DCAF8L2: variants seen among roughly 807,000 people sequenced by gnomAD.
The protein encoded by DCAF8L2 is DDB1- and CUL4-associated factor 8-like protein 2.
For missense variants in DCAF8L2, 430 were observed against 490.7 expected (o/e 0.88, Z 1.17); for synonymous variants, 200 against 190.9 (o/e 1.05, Z -0.39).
intron 3 of DCAF8L2, among the ~76,000 whole-genome samples, chrX:27,685,032 C>T (rs1404070221): frequency 2.7e-5 from 3 of 111,394 alleles, no homozygotes; most frequent in Non-Finnish European, 3.8e-5. Context: ...TCACTGTAAC[C>T]AATCAGTTTA....
the DCAF8L2 span, among the ~76,000 whole-genome samples, chrX:27,569,881 T>C: frequency 2.7e-5 from 3 of 111,615 alleles, no homozygotes; most frequent in Non-Finnish European, 3.8e-5. Flanking sequence ...ATGTGTTATG[T>C]ATAAGAAAGT....
At chrX:27,483,669 A>G in the DCAF8L2 span, among the ~76,000 whole-genome samples, 1 of 111,295 alleles carries the variant, frequency 9.0e-6, no homozygotes, top group African/African-American at 3.3e-5. Flanking sequence ...GGCTAGCTAC[A>G]AACAATAAAG....
At chrX:27,529,370 C>G in the DCAF8L2 span, among the ~76,000 whole-genome samples, 1 of 110,715 alleles carries the variant, frequency 9.0e-6, no homozygotes, top group Non-Finnish European at 1.9e-5. Flanking sequence ...TAATATGCAT[C>G]AGTGTAATAT....
chrX:27,709,933 G>A (rs745634895), intron 3 of DCAF8L2, among the ~76,000 whole-genome samples: 3 of 106,205 alleles, frequency 2.8e-5, no homozygotes, highest in South Asian at 4.0e-4. Context: ...CTAATAAATC[G>A]TTGCAAATAA....
chrX:27,548,329 C>A, the DCAF8L2 span, among the ~76,000 whole-genome samples: 4 of 111,241 alleles, frequency 3.6e-5, no homozygotes, highest in Admixed American at 1.9e-4. Flanking sequence ...AAAATATCCC[C>A]TAACTAAAAA....
At chrX:27,677,516 A>G (rs939976738) in intron 2 of DCAF8L2, among the ~76,000 whole-genome samples, 1 of 111,581 alleles carries the variant, frequency 9.0e-6, no homozygotes, top group Non-Finnish European at 1.9e-5. Context: ...GTTGAAGAGA[A>G]TATTGTTCAC....
At chrX:27,502,335 A>AAAAAAAAATATATATAT in the DCAF8L2 span, among the ~76,000 whole-genome samples, 2 of 12,716 alleles carry the variant, frequency 1.6e-4, no homozygotes, top group Non-Finnish European at 3.0e-4. Context: ...AAAAAAAAAA[A>AAAAAAAAATATATATAT]ATATATATAT....
At chrX:27,651,573 G>A (rs1426110417) in intron 2 of DCAF8L2, among the ~76,000 whole-genome samples, 1 of 95,944 alleles carries the variant, frequency 1.0e-5, no homozygotes, top group Non-Finnish European at 2.0e-5. Context: ...GCAGTGGCAC[G>A]ATCTCGGCTC....
At chrX:27,528,501 T>TACAC in the DCAF8L2 span, among the ~76,000 whole-genome samples, 37 of 100,242 alleles carry the variant, frequency 3.7e-4, no homozygotes, top group African/African-American at 1.3e-3. Context: ...TATATATATA[T>TACAC]ACACACACAC....
rs1922348200 is a variant in DCAF8L2, at chrX:27,747,970, G to A, written c.1075G>A (p.Val359Ile). Residue 359 changes from valine (V) to isoleucine (I), a missense_variant, in exon 5 of 5, where the codon GTA becomes ATA. Val to Ile is a conservative substitution (Grantham distance 29). Transcript: ENST00000451261. The part of the protein sequence containing the change: ...RQDRPASKVV[V>I]TRENDKKVGL... ...AGACCGGCCAGCTTCAAAAGTTGTGGTAACAAGAGAAAATGATAAGAAAGT... is the reference window on the plus strand; with the variant it reads ...AGACCGGCCAGCTTCAAAAGTTGTGATAACAAGAGAAAATGATAAGAAAGT... 2.5e-6 allele frequency: 3 copies of A among 1,211,553 alleles called. No homozygotes were observed. The highest frequency in any genetic ancestry group is 3.4e-6 in the Non-Finnish European group (3 of 895,453).
intron 1 of DCAF8L2, among the ~76,000 whole-genome samples, chrX:27,631,470 G>A (rs998298144): frequency 8.9e-6 from 1 of 112,497 alleles, no homozygotes; most frequent in African/African-American, 3.2e-5. Context: ...CTAATGCATA[G>A]TCATTAGCCA....
chrX:27,481,775 A>C, the DCAF8L2 span, among the ~76,000 whole-genome samples: 2 of 112,110 alleles, frequency 1.8e-5, no homozygotes, highest in Non-Finnish European at 3.8e-5. Flanking sequence ...AAGGATAAAA[A>C]GTTCATTTTG....
At chrX:27,559,476 G>A in the DCAF8L2 span, among the ~76,000 whole-genome samples, 1 of 111,990 alleles carries the variant, frequency 8.9e-6, no homozygotes, top group Admixed American at 9.4e-5. Context: ...CTTGTGGCCC[G>A]TGAGAGGTAT....
chrX:27,509,224 T>C, the DCAF8L2 span, among the ~76,000 whole-genome samples: 2 of 111,341 alleles, frequency 1.8e-5, no homozygotes, highest in Non-Finnish European at 3.8e-5. Context: ...ACTTTGGGAT[T>C]TGAAACATCT....
At chrX:27,480,620 T>G in the DCAF8L2 span, among the ~76,000 whole-genome samples, 5 of 111,842 alleles carry the variant, frequency 4.5e-5, no homozygotes, top group African/African-American at 1.3e-4. Context: ...TTTGGTGGCC[T>G]CAATTCCTGA....
intron 4 of DCAF8L2, among the ~76,000 whole-genome samples, chrX:27,740,136 C>A (rs1029920769): frequency 1.3e-4 from 14 of 111,871 alleles, no homozygotes; most frequent in African/African-American, 4.6e-4. Flanking sequence ...ATTTAGCCTG[C>A]TCTCACCTTT....
Position 27,625,133 on chromosome X carries a change from T to C in DCAF8L2, c.-341-6746T>C, listed in dbSNP as rs1927951074. Among the ~76,000 whole-genome samples, 3 of 111,425 alleles carry C rather than the reference T, an allele frequency of 2.7e-5. No homozygotes were observed. In the Admixed American group the frequency reaches 2.9e-4, roughly 11 times the overall value. ...CTAATATCCAGAATCTCTAAAGAATTTAAACAAACTAACAAGCCAAAAACA... is the reference window on the plus strand; with the variant it reads ...CTAATATCCAGAATCTCTAAAGAATCTAAACAAACTAACAAGCCAAAAACA... On this transcript the variant is annotated intron_variant, in intron 1 of 4. Transcript: ENST00000451261.
the DCAF8L2 span, among the ~76,000 whole-genome samples, chrX:27,555,849 C>A: frequency 9.0e-6 from 1 of 111,077 alleles, no homozygotes; most frequent in African/African-American, 3.3e-5. Flanking sequence ...ACAGCTCTAG[C>A]CCTGCCTGGT....
the DCAF8L2 span, among the ~76,000 whole-genome samples, chrX:27,513,936 T>C: frequency 3.3e-3 from 363 of 111,668 alleles, 1 homozygote; most frequent in African/African-American, 0.011. Flanking sequence ...TGAATCACCA[T>C]TGGTGATGGA....
Sources: allele counts gnomAD v4.1 joint callset (sites outside exome capture counted in the v4.1 genomes callset), GRCh38; gene constraint gnomAD v4.1.1; transcripts MANE v1.5; gene names NCBI Gene and HGNC (gene_info 2026-07-23, HGNC 2026-07-21).